Variants in ARHGEF9 observed in about 807,000 individuals in gnomAD.
ARHGEF9 encodes Cdc42 guanine nucleotide exchange factor 9.
ARHGEF9 carries 2 observed loss-of-function variants against 41.3 expected under a neutral mutation model. The ratio of observed to expected loss-of-function variants is 0.05; its 90% CI spans 0.02 to 0.15. ARHGEF9 has a LOEUF of 0.15. Among genes scored for constraint, ARHGEF9 ranks in the 10% least tolerant of loss-of-function variants. The pLI is 1.00. For missense variants in ARHGEF9, 225 were observed against 424.7 expected (o/e 0.53, Z 4.13); for synonymous variants, 160 against 154.4 (o/e 1.04, Z -0.27).
chrX:63,733,429 T>A (rs2054432658), intron 1 of ARHGEF9, among the ~76,000 whole-genome samples: 1 of 112,294 alleles, frequency 8.9e-6, no homozygotes, highest in African/African-American at 3.2e-5. Context: ...AATCCCACTG[T>A]GAATATCAAA....
chrX:63,749,743 A>G, intron 1 of ARHGEF9, among the ~76,000 whole-genome samples: 1 of 112,410 alleles, frequency 8.9e-6, no homozygotes, highest in Admixed American at 9.4e-5. Context: ...CATAAACGCT[A>G]TAGGCCCGTG....
intron 1 of ARHGEF9, among the ~76,000 whole-genome samples, chrX:63,740,696 A>C (rs113897360): frequency 0.034 from 3,811 of 111,326 alleles, 98 homozygotes; most frequent in African/African-American, 0.087. Context: ...TGCTCCCAGG[A>C]AAGCCTGGTA....
chrX:63,755,802 T>C, intron 1 of ARHGEF9: 1 of 738,560 alleles, frequency 1.4e-6, no homozygotes, highest in African/African-American at 2.3e-5. Flanking sequence ...AATCCAATTC[T>C]ATTTGGCTTT....
chrX:63,755,131 C>G (rs1415251695), intron 1 of ARHGEF9: 1 of 937,665 alleles, frequency 1.1e-6, no homozygotes, highest in Non-Finnish European at 1.3e-6. Flanking sequence ...ATCCCCCGCT[C>G]AGCCCATAGG....
chrX:63,695,138 G>C (rs1199349131), intron 4 of ARHGEF9, among the ~76,000 whole-genome samples: 2 of 111,498 alleles, frequency 1.8e-5, no homozygotes, highest in Non-Finnish European at 3.8e-5. Flanking sequence ...AGACATTTTT[G>C]GTTGTCACAA....
intron 1 of ARHGEF9, among the ~76,000 whole-genome samples, chrX:63,780,802 G>A (rs1411560299): frequency 2.7e-5 from 3 of 111,588 alleles, no homozygotes; most frequent in African/African-American, 6.5e-5. Flanking sequence ...GGCCCCTGAC[G>A]CACACAGTTG....
intron 1 of ARHGEF9, chrX:63,755,907 G>C (rs2055914669): frequency 1.4e-6 from 1 of 735,108 alleles, no homozygotes; most frequent in African/African-American, 2.3e-5. Context: ...CAGCATTCTG[G>C]GTACTATGAA....
intron 4 of ARHGEF9, among the ~76,000 whole-genome samples, chrX:63,688,080 A>C (rs1459776606): frequency 2.7e-5 from 3 of 111,914 alleles, no homozygotes; most frequent in Non-Finnish European, 5.6e-5. Flanking sequence ...CTCAAAGGTT[A>C]ACAGACAAAG....
chrX:63,724,094 C>A, intron 2 of ARHGEF9, among the ~76,000 whole-genome samples: 1 of 111,131 alleles, frequency 9.0e-6, no homozygotes, highest in East Asian at 2.8e-4. Context: ...GAGAGAAGAG[C>A]AGAGGAGCAA....
intron 8 of ARHGEF9, among the ~76,000 whole-genome samples, chrX:63,652,919 C>T (rs1431136691): frequency 4.5e-5 from 5 of 110,814 alleles, no homozygotes; most frequent in Admixed American, 1.9e-4. Context: ...CCCTCTTGCT[C>T]TCTCTCTCTC....
At chrX:63,771,168 A>T (rs1267182364) in intron 1 of ARHGEF9, among the ~76,000 whole-genome samples, 1 of 112,000 alleles carries the variant, frequency 8.9e-6, no homozygotes, top group African/African-American at 3.2e-5. Flanking sequence ...CCATTTGTAT[A>T]TCTTGTGAAG....
chrX:63,635,552 A>G lies in ARHGEF9; in HGVS notation c.*2476T>C, dbSNP rs1429941473. ...GGCCACTGGTCTGCTTTGATGCTAT[A>G]GGCTGAGGGAATACTCCAACCAATG... On this transcript the variant is annotated 3_prime_UTR_variant, in exon 10 of 10. Coordinates refer to ENST00000671741, the MANE Select transcript of ARHGEF9 (RefSeq NM_001353921.2). 4.4e-6 allele frequency: 2 copies of G among 453,668 alleles called. No homozygotes were observed. The highest frequency in any genetic ancestry group is 7.7e-6 in the Non-Finnish European group (2 of 258,988). 37.4% of individuals were successfully genotyped at this position (453,668 alleles called of 1,213,427 possible). A position where few individuals can be genotyped will look rare whatever the true frequency, so the allele number is the denominator to read the frequency against.
intron 8 of ARHGEF9, among the ~76,000 whole-genome samples, chrX:63,645,690 C>T (rs1473679765): frequency 3.6e-5 from 4 of 111,752 alleles, no homozygotes; most frequent in Admixed American, 2.9e-4. Context: ...AATAAACATA[C>T]GTGTGCATGT....
Position 63,724,571 on chromosome X carries a change from G to C in ARHGEF9, c.171C>G (p.Ile57Met). Residue 57 changes from isoleucine to methionine, a missense_variant, in exon 2 of 10, where the codon ATC (isoleucine) becomes ATG (methionine). Ile to Met is a conservative substitution (Grantham distance 10). Around this residue, in one of 3 missense-constraint regions of ARHGEF9, gnomAD observed 114 missense variants for 197.9 expected, o/e 0.58. Coordinates refer to ENST00000671741, the MANE Select transcript of ARHGEF9 (RefSeq NM_001353921.2). ...ASNKDWWWGQ[I>M]DDEEGWFPAS... The stretch of plus-strand genomic sequence containing the variant: ...CAGGAAACCATCCCTCCTCATCGTC[G>C]ATCTGGCCCCACCACCAATCCTTGT... The C allele has an allele frequency of 8.3e-7, 1 of 1,211,050 alleles. No individual in the cohort carries two copies. Among genetic ancestry groups the C allele is most frequent in the Non-Finnish European group, 1.1e-6 (1 of 895,383 alleles).
intron 1 of ARHGEF9, among the ~76,000 whole-genome samples, chrX:63,752,112 T>C (rs1238478425): frequency 2.7e-5 from 3 of 111,468 alleles, no homozygotes; most frequent in Non-Finnish European, 5.7e-5. Context: ...ATCCAGGCTG[T>C]AGTACCAGAT....
At chrX:63,684,931 G>A (rs1160495525) in intron 4 of ARHGEF9, among the ~76,000 whole-genome samples, 2 of 108,792 alleles carry the variant, frequency 1.8e-5, no homozygotes, top group Non-Finnish European at 3.8e-5. Flanking sequence ...AAAAAAAAAT[G>A]AATACATAGA....
At chrX:63,704,940 T>C (rs1418655995) in intron 3 of ARHGEF9, among the ~76,000 whole-genome samples, 5 of 112,382 alleles carry the variant, frequency 4.4e-5, no homozygotes, top group Non-Finnish European at 7.5e-5. Flanking sequence ...ATAAAGAAAG[T>C]TCAGGCACAA....
chrX:63,782,847 T>C (rs1480093152), intron 1 of ARHGEF9, among the ~76,000 whole-genome samples: 2 of 112,630 alleles, frequency 1.8e-5, no homozygotes, highest in African/African-American at 6.5e-5. Flanking sequence ...CTTATTAACA[T>C]CCGCATTTAA....
rs1556415650 is a variant in ARHGEF9, at chrX:63,724,410, A to T, written c.210+122T>A. 8 of 829,620 alleles carry T rather than the reference A, an allele frequency of 9.6e-6. No individual in the cohort carries two copies. In the Admixed American group the frequency reaches 2.3e-4, roughly 24 times the overall value. 68.4% of individuals were successfully genotyped at this position (829,620 alleles called of 1,213,427 possible). ...CTCTGTATGAGACAATTTTAAAAAA[A>T]GGAAAAAAATATGAGAAAAGCCACC... On this transcript the variant is annotated intron_variant, in intron 2 of 9. Transcript: ENST00000671741.
Sources: gnomAD v4.1 joint callset for allele counts (sites outside exome capture counted in the v4.1 genomes callset) on GRCh38, gnomAD v4.1.1 for gene constraint, gnomAD v4.1.1 regional missense constraint, MANE v1.5 for transcripts, NCBI Gene and HGNC (gene_info 2026-07-23, HGNC 2026-07-21) for gene names.